The following KDM4B variants were observed in gnomAD, a reference collection of about 807,000 sequenced individuals.
KDM4B encodes the protein lysine demethylase 4B, also known as lysine-specific demethylase 4B.
In KDM4B, 32 loss-of-function variants were observed where a neutral mutation model predicts 125.2. The ratio of observed to expected loss-of-function variants is 0.26; its 90% CI spans 0.19 to 0.34. The LOEUF (loss-of-function observed/expected upper bound fraction) is 0.34. KDM4B is among the 10% of genes least tolerant of loss of function. The pLI, the probability that KDM4B is intolerant of heterozygous loss-of-function variation, is 1.00. For missense variants in KDM4B, 1,190 were observed against 1,577.7 expected (o/e 0.75, Z 4.16); for synonymous variants, 721 against 677.9 (o/e 1.06, Z -0.99).
At chr19:5,097,170 C>T (rs555115175) in intron 9 of KDM4B, among the ~76,000 whole-genome samples, 3 of 152,280 alleles carry the variant, frequency 2.0e-5, no homozygotes, top group East Asian at 1.9e-4. Context: ...TCAATCTCAC[C>T]GTACACAGGA....
chr19:5,083,076 G>A (rs1244940825), intron 9 of KDM4B, among the ~76,000 whole-genome samples: 5 of 152,168 alleles, frequency 3.3e-5, no homozygotes, highest in African/African-American at 7.2e-5. Context: ...TAGCATGCCC[G>A]TGGGAAGACT....
At chr19:5,097,554 G>A (rs925447746) in intron 9 of KDM4B, among the ~76,000 whole-genome samples, 6 of 152,238 alleles carry the variant, frequency 3.9e-5, no homozygotes, top group Admixed American at 6.5e-5. Flanking sequence ...CGCCTGGCCT[G>A]TGCAGGCCTT....
chr19:5,031,197 C>T (rs1051388444), intron 2 of KDM4B, among the ~76,000 whole-genome samples: 7 of 152,026 alleles, frequency 4.6e-5, no homozygotes, highest in Non-Finnish European at 1.0e-4. Context: ...GTGGGGTTGG[C>T]GGGGTCGCAG....
At chr19:5,044,731 G>GC (rs1209334284) in intron 5 of KDM4B, among the ~76,000 whole-genome samples, 1 of 151,914 alleles carries the variant, frequency 6.6e-6, no homozygotes, top group Non-Finnish European at 1.5e-5. Context: ...GATCCCCTGA[G>GC]CTCCCCCTCG....
chr19:5,131,119 G>A lies in KDM4B; in HGVS notation c.1359G>A (p.Glu453=). The A allele has an allele frequency of 6.5e-7, 1 of 1,526,814 alleles. No individual in the cohort carries two copies. The highest frequency in any genetic ancestry group is 1.3e-5 in the South Asian group (1 of 77,740). 94.6% of individuals were successfully genotyped at this position (1,526,814 alleles called of 1,614,324 possible). A position where few individuals can be genotyped will look rare whatever the true frequency, so the allele number is the denominator to read the frequency against. The change falls in exon 12 of 23, where the codon GAG becomes GAA. Residue 453 remains glutamate, a synonymous_variant. Transcript: ENST00000159111. The part of the protein sequence containing the change: ...GKLRPTKAKS[E]RKKKSFGLLP... ...TGCGGCCAACCAAGGCCAAGAGCGA[G>A]CGGAAGAAGAAGAGCTTCGGCCTGC... is the stretch of plus-strand genomic sequence containing the variant.
chr19:5,093,624 C>T (rs895142178), intron 9 of KDM4B, among the ~76,000 whole-genome samples: 2 of 152,266 alleles, frequency 1.3e-5, no homozygotes, highest in Non-Finnish European at 2.9e-5. Context: ...ATGCGGGCGC[C>T]TCTGCCCCTT....
intron 1 of KDM4B, among the ~76,000 whole-genome samples, chr19:5,001,375 C>T (rs771197989): frequency 6.6e-6 from 1 of 152,168 alleles, no homozygotes; most frequent in Non-Finnish European, 1.5e-5. Flanking sequence ...GTTCATTTAG[C>T]TGTGTGTCCT....
intron 5 of KDM4B, among the ~76,000 whole-genome samples, chr19:5,042,800 G>T (rs1252996983): frequency 6.6e-6 from 1 of 151,702 alleles, no homozygotes; most frequent in Non-Finnish European, 1.5e-5. Context: ...CACCCACGGT[G>T]CAGCCACCTC....
Position 5,120,174 on chromosome 19 carries a change from T to C in KDM4B, c.1315+322T>C, listed in dbSNP as rs191231644. On this transcript the variant is annotated intron_variant, in intron 11 of 22. Transcript: ENST00000159111. Reference sequence around the variant, plus strand: ...GAGTTTGAGACCCTGTCTCTACTTATGATATAAAAAAAATTTAACCAGGCT... The same window carrying C: ...GAGTTTGAGACCCTGTCTCTACTTACGATATAAAAAAAATTTAACCAGGCT... Among the ~76,000 whole-genome samples the C allele has an allele frequency of 2.9e-4, 44 of 152,238 alleles. No individual in the cohort carries two copies. In the East Asian group the frequency reaches 6.4e-3, roughly 22 times the overall value.
At chr19:5,112,003 C>T in intron 10 of KDM4B, 2 of 584,324 alleles carry the variant, frequency 3.4e-6, no homozygotes, top group South Asian at 4.0e-5. Flanking sequence ...CCTGTAATCT[C>T]TGCACTTTGG....
At chr19:5,131,566 C>A (rs1435417008) in intron 12 of KDM4B, 21 bp downstream of exon 12, 2 of 367,064 alleles carry the variant, frequency 5.4e-6, no homozygotes, top group South Asian at 2.3e-5. Flanking sequence ...GCGGGGGAGG[C>A]AGGGAGGAGG....
rs1228719360 is a variant in KDM4B, at chr19:5,112,082, A to G, written c.1115+1264A>G. The G allele has an allele frequency of 1.6e-5, 7 of 447,222 alleles. No individual in the cohort carries two copies. In the East Asian group the frequency reaches 2.8e-4, roughly 18 times the overall value. The allele number at this position is 447,222 out of a possible 1,614,324, so 27.7% of individuals were successfully genotyped here. On this transcript the variant is annotated intron_variant, in intron 10 of 22. Transcript: ENST00000159111. ...AGCCTGGGCAACATATTGAGATGCCATCTCTACAAAAAATTTAAAAATCAG... is the reference window on the plus strand; with the variant it reads ...AGCCTGGGCAACATATTGAGATGCCGTCTCTACAAAAAATTTAAAAATCAG...
chr19:5,025,800 C>T (rs1244453212), intron 2 of KDM4B, among the ~76,000 whole-genome samples: 1 of 152,242 alleles, frequency 6.6e-6, no homozygotes, highest in East Asian at 1.9e-4. Flanking sequence ...AGACGCAGCC[C>T]CGCTGCCACC....
chr19:5,011,971 C>G (rs1301207507), intron 1 of KDM4B, among the ~76,000 whole-genome samples: 3 of 152,232 alleles, frequency 2.0e-5, no homozygotes, highest in African/African-American at 4.8e-5. Flanking sequence ...GTATCTGAGG[C>G]TGCCCTCAGG....
At chr19:5,118,258 T>C (rs2039294724) in intron 10 of KDM4B, among the ~76,000 whole-genome samples, 1 of 152,096 alleles carries the variant, frequency 6.6e-6, no homozygotes, top group African/African-American at 2.4e-5. Context: ...TCTGAGCCCA[T>C]GGGGACAGGG....
intron 11 of KDM4B, among the ~76,000 whole-genome samples, chr19:5,130,365 C>A (rs1049392569): frequency 1.3e-5 from 2 of 152,006 alleles, no homozygotes; most frequent in African/African-American, 2.4e-5. Flanking sequence ...TACTGCAAAC[C>A]CGTCCTGGCC....
At chr19:5,090,851 C>A (rs116532397) in intron 9 of KDM4B, among the ~76,000 whole-genome samples, 1 of 151,618 alleles carries the variant, frequency 6.6e-6, no homozygotes, top group African/African-American at 2.4e-5. Context: ...GGAGCCCACA[C>A]CCTCCCTGCC....
intron 5 of KDM4B, among the ~76,000 whole-genome samples, chr19:5,044,209 G>A (rs2613733): frequency 4.3e-5 from 2 of 46,360 alleles, no homozygotes; most frequent in Admixed American, 1.9e-4. Flanking sequence ...CGGAGTGGGG[G>A]TGTCCACCTT....
At chr19:5,067,714 G>A (rs2037818492) in intron 6 of KDM4B, among the ~76,000 whole-genome samples, 1 of 152,156 alleles carries the variant, frequency 6.6e-6, no homozygotes. Context: ...TCTCAGAGCT[G>A]GACAGAGGAG....
Sources: gnomAD v4.1 joint callset for allele counts (sites outside exome capture counted in the v4.1 genomes callset) on GRCh38, gnomAD v4.1.1 for gene constraint, MANE v1.5 for transcripts, NCBI Gene and HGNC (gene_info 2026-07-23, HGNC 2026-07-21) for gene names.